The following GPR161 variants were observed in gnomAD, a reference collection of about 807,000 sequenced individuals.
GPR161 encodes the protein G protein-coupled receptor 161.
A neutral mutation model predicts 39.2 loss-of-function variants in GPR161; 25 were observed. That is an observed-to-expected ratio of 0.64 (90% CI 0.47 to 0.89). The LOEUF (loss-of-function observed/expected upper bound fraction) is 0.89. GPR161 is among the 40% of genes least tolerant of loss of function. The pLI is 0.00. For missense variants in GPR161, 547 were observed against 677.8 expected (o/e 0.81, Z 2.14); for synonymous variants, 286 against 276.6 (o/e 1.03, Z -0.34).
At chr1:168,136,590 G>A (rs779289693) in intron 1 of GPR161, 149 bp downstream of exon 1, 21 of 1,234,800 alleles carry the variant, frequency 1.7e-5, no homozygotes, top group Non-Finnish European at 2.1e-5. Context: ...TCCGAGAGGG[G>A]CGCGGGGAGA....
chr1:168,120,387 C>G lies in GPR161; in HGVS notation c.-44-15493G>C, dbSNP rs544594712. 6.6e-5 allele frequency among the ~76,000 whole-genome samples: 10 copies of G among 152,180 alleles called. 1 individual carries two copies. The highest frequency in any genetic ancestry group is 1.0e-4 in the Non-Finnish European group (7 of 68,028). ...GAACATTTACCCAATGCCTGTACCC[C>G]CATTGTATTTTGGAAGTAACTAACT... On this transcript the variant is annotated intron_variant, in intron 1 of 5. Coordinates refer to ENST00000682931, the MANE Select transcript of GPR161 (RefSeq NM_001375883.1).
intron 1 of GPR161, among the ~76,000 whole-genome samples, chr1:168,110,077 T>TA (rs1167345564): frequency 6.6e-6 from 1 of 152,208 alleles, no homozygotes; most frequent in African/African-American, 2.4e-5. Context: ...AAAATAGCTT[T>TA]ATAAGGAATT....
At chr1:168,101,108 CTTTTTTT>C (rs35663930) in intron 2 of GPR161, among the ~76,000 whole-genome samples, 2 of 143,286 alleles carry the variant, frequency 1.4e-5, no homozygotes, top group African/African-American at 5.1e-5. Flanking sequence ...CAGCCAGTTT[CTTTTTTT>C]TTTTTTCTTT....
Position 168,104,572 on chromosome 1 carries a change from C to G in GPR161, c.279G>C (p.Trp93Cys). 3 of 1,614,048 alleles carry G rather than the reference C, an allele frequency of 1.9e-6. No individual in the cohort carries two copies. Among genetic ancestry groups the G allele is most frequent in the Non-Finnish European group, 2.5e-6 (3 of 1,179,926 alleles). The change falls in exon 2 of 6, where the codon TGG (tryptophan) becomes TGC (cysteine). Residue 93 changes from tryptophan to cysteine, a missense_variant. Physicochemically the swap from Trp to Cys is radical, Grantham distance 215. Coordinates refer to ENST00000682931, the MANE Select transcript of GPR161 (RefSeq NM_001375883.1). ...FVVTSSIRRE[W>C]IFGVVWCNFS... ...AGTTGCACCACACTACACCAAAGAT[C>G]CATTCCCTGCGGATGGAGCTCGTCA...
At chr1:168,109,052 A>G (rs1696895083) in intron 1 of GPR161, among the ~76,000 whole-genome samples, 1 of 152,236 alleles carries the variant, frequency 6.6e-6, no homozygotes, top group Non-Finnish European at 1.5e-5. Flanking sequence ...TAAATATAAG[A>G]ATTAGTCTGA....
At chr1:168,107,258 A>C (rs1156270209) in intron 1 of GPR161, among the ~76,000 whole-genome samples, 1 of 152,234 alleles carries the variant, frequency 6.6e-6, no homozygotes, top group African/African-American at 2.4e-5. Flanking sequence ...AGAATAAAAA[A>C]GTGGCCGTAA....
At chr1:168,132,369 C>G (rs989933875) in intron 1 of GPR161, among the ~76,000 whole-genome samples, 85 of 151,750 alleles carry the variant, frequency 5.6e-4, no homozygotes, top group Non-Finnish European at 9.9e-4. Flanking sequence ...GGGCGGATCA[C>G]GAGGTCAGGA....
intron 2 of GPR161, 119 bp from the exon 3 acceptor site, chr1:168,097,351 C>G (rs1194149708): frequency 1.0e-6 from 1 of 965,178 alleles, no homozygotes; most frequent in East Asian, 2.5e-5. Context: ...GCACCTTCTC[C>G]CAAGTCTCCC....
intron 1 of GPR161, among the ~76,000 whole-genome samples, chr1:168,121,091 T>G (rs1469902979): frequency 1.3e-5 from 2 of 152,206 alleles, no homozygotes; most frequent in African/African-American, 4.8e-5. Flanking sequence ...CCACAGCTTC[T>G]CACCCATTGT....
At chr1:168,137,401 C>G (rs1358894703), upstream of GPR161, 1 of 1,535,788 alleles carries the variant, frequency 6.5e-7, no homozygotes, top group Non-Finnish European at 8.7e-7. Context: ...TTTCATTCAT[C>G]CAGCCGACGG....
At chr1:168,127,633 G>A (rs867856700) in intron 1 of GPR161, among the ~76,000 whole-genome samples, 2 of 152,150 alleles carry the variant, frequency 1.3e-5, no homozygotes, top group South Asian at 4.1e-4. Context: ...AGGCAAGGAG[G>A]AGCAAGTCAC....
At position 168,136,802 on chromosome 1, in the gene GPR161, C is replaced by T; in HGVS notation, c.-108G>A. ...GCCGCCTCCCCGCCTCGGCCACCGC[C>T]GCCGCCGCTTCCTTCCTCCCCGCCG... On this transcript the variant is annotated 5_prime_UTR_variant, in exon 1 of 6. Transcript: ENST00000682931. 1 of 985,810 alleles carries T rather than the reference C, an allele frequency of 1.0e-6. No homozygotes were observed. The allele number at this position is 985,810 out of a possible 1,614,324, so 61.1% of individuals were successfully genotyped here.
intron 1 of GPR161, among the ~76,000 whole-genome samples, chr1:168,110,564 AAAG>A (rs1331050714): frequency 1.7e-5 from 2 of 116,762 alleles, no homozygotes; most frequent in Non-Finnish European, 3.5e-5. Flanking sequence ...AAAGAAAAGA[AAAG>A]AAAAGAAAAG....
intron 1 of GPR161, among the ~76,000 whole-genome samples, chr1:168,109,216 A>G (rs1217213343): frequency 1.3e-5 from 2 of 152,210 alleles, no homozygotes; most frequent in Non-Finnish European, 2.9e-5. Flanking sequence ...CTCTGGCAAC[A>G]TGGTGGATGT....
At chr1:168,121,411 G>C (rs936598758) in intron 1 of GPR161, among the ~76,000 whole-genome samples, 2 of 152,130 alleles carry the variant, frequency 1.3e-5, no homozygotes, top group African/African-American at 4.8e-5. Context: ...CTCAACCATA[G>C]ACTGTCGGTG....
rs1361504379 is a variant in GPR161 at position 168,085,556 on chromosome 1, TCTC to T, written c.1562_1564del (p.Gly521del). 16 of 1,613,512 alleles carry T rather than the reference TCTC, an allele frequency of 9.9e-6. No individual in the cohort carries two copies. The highest frequency in any genetic ancestry group is 1.3e-5 in the African/African-American group (1 of 74,916). Reference sequence around the variant, plus strand: ...TCATCTCTGCTCGGCAGCTAAAACATCTCCTTCTTCGATGCTCTGCAACTGCAG... The same window carrying T: ...TCATCTCTGCTCGGCAGCTAAAACATCTTCTTCGATGCTCTGCAACTGCAG... On this transcript the variant is annotated inframe_deletion, in exon 6 of 6. Coordinates refer to ENST00000682931, the MANE Select transcript of GPR161 (RefSeq NM_001375883.1).
At position 168,136,721 on chromosome 1, in the gene GPR161, C is replaced by T. The variant is rs1699409197; in HGVS notation, c.-45+18G>A. On this transcript the variant is annotated intron_variant, in intron 1 of 5. Coordinates refer to ENST00000682931, the MANE Select transcript of GPR161 (RefSeq NM_001375883.1). The stretch of plus-strand genomic sequence containing the variant: ...TCTCCGCCCGGGCCCGCGCCCGCGC[C>T]CCACGCCGGGTGCTCACCGAGGAGC... 2.9e-6 allele frequency: 3 copies of T among 1,028,700 alleles called. No homozygotes were observed. Among genetic ancestry groups the T allele is most frequent in the Non-Finnish European group, 3.5e-6 (3 of 858,686 alleles). The allele number at this position is 1,028,700 out of a possible 1,614,324, so 63.7% of individuals were successfully genotyped here.
At chr1:168,128,681 GACT>G (rs935120466) in intron 1 of GPR161, among the ~76,000 whole-genome samples, 6 of 152,292 alleles carry the variant, frequency 3.9e-5, no homozygotes, top group African/African-American at 1.2e-4. Flanking sequence ...AAAAAATAAT[GACT>G]ACGTGAATTA....
In GPR161 at chr1:168,080,166, T is replaced by C. The variant is rs1693964192; in HGVS notation, c.*5365A>G. 6.6e-6 allele frequency: 1 copy of C among 152,172 alleles called. No homozygotes were observed. Among genetic ancestry groups the C allele is most frequent in the South Asian group, 2.1e-4 (1 of 4,828 alleles). The allele number at this position is 152,172 out of a possible 1,614,324, so 9.4% of individuals were successfully genotyped here. On this transcript the variant is annotated 3_prime_UTR_variant, in exon 6 of 6. Coordinates refer to ENST00000682931, the MANE Select transcript of GPR161 (RefSeq NM_001375883.1). The stretch of plus-strand genomic sequence containing the variant: ...TGAGTCCAGTCACTTTCCTTGGGCC[T>C]TCAGTTTTTTTTAGGTCTGGCCAGC...
Sources: gnomAD v4.1 joint callset for allele counts (sites outside exome capture counted in the v4.1 genomes callset) on GRCh38, gnomAD v4.1.1 for gene constraint, MANE v1.5 for transcripts, NCBI Gene and HGNC (gene_info 2026-07-23, HGNC 2026-07-21) for gene names.